SYCP2: variants seen among roughly 807,000 people sequenced by gnomAD.
SYCP2 encodes the protein synaptonemal complex protein 2, also known as synaptonemal complex lateral element protein.
SYCP2 carries 55 observed loss-of-function variants against 211.3 expected under a neutral mutation model. That is an observed-to-expected ratio of 0.26 (90% CI 0.21 to 0.33). The LOEUF is 0.33. Among genes scored for constraint, SYCP2 ranks in the 10% least tolerant of loss-of-function variants. SYCP2 has a pLI of 1.00. For synonymous variants in SYCP2, 570 were observed against 555.2 expected (o/e 1.03, Z -0.37); for missense variants, 1,731 against 1,752.0 (o/e 0.99, Z 0.21).
At chr20:59,920,589 C>T in intron 4 of SYCP2, 102 bp from the exon 5 acceptor site, 2 of 962,358 alleles carry the variant, frequency 2.1e-6, no homozygotes, top group Non-Finnish European at 3.1e-6. Context: ...TTCACAAATC[C>T]TGAAAGATGG....
At chr20:59,897,674 A>C (rs2060035477) in intron 18 of SYCP2, among the ~76,000 whole-genome samples, 1 of 152,196 alleles carries the variant, frequency 6.6e-6, no homozygotes, top group African/African-American at 2.4e-5. Flanking sequence ...AAAGACTAAA[A>C]AACAAAATAG....
At chr20:59,891,554 T>C (rs6100645) in intron 24 of SYCP2, among the ~76,000 whole-genome samples, 2,311 of 151,996 alleles carry the variant, frequency 0.015, 57 homozygotes, top group African/African-American at 0.052. Flanking sequence ...CAAAAAATGT[T>C]TGAGATGCTA....
At chr20:59,884,431 C>T (rs1304121467) in intron 26 of SYCP2, among the ~76,000 whole-genome samples, 3 of 151,828 alleles carry the variant, frequency 2.0e-5, no homozygotes, top group Non-Finnish European at 4.4e-5. Flanking sequence ...TTGTAATATA[C>T]TGTATTAAAG....
At chr20:59,872,740 G>A (rs924103653) in intron 35 of SYCP2, among the ~76,000 whole-genome samples, 3 of 151,892 alleles carry the variant, frequency 2.0e-5, no homozygotes, top group Non-Finnish European at 2.9e-5. Context: ...ACTACTAATT[G>A]TTCTACACAT....
chr20:59,925,675 C>T (rs954209944), intron 2 of SYCP2, among the ~76,000 whole-genome samples: 5 of 152,118 alleles, frequency 3.3e-5, no homozygotes, highest in Middle Eastern at 3.4e-3. Context: ...CACTTGTTAA[C>T]GTATTGCCCT....
chr20:59,899,972 C>T (rs2060083830), intron 18 of SYCP2, 166 bp downstream of exon 18: 3 of 725,898 alleles, frequency 4.1e-6, no homozygotes, highest in African/African-American at 1.8e-5. Flanking sequence ...TGCTAAGACA[C>T]ACACTATCTT....
intron 44 of SYCP2, among the ~76,000 whole-genome samples, chr20:59,865,025 C>T (rs556801063): frequency 6.6e-6 from 1 of 152,098 alleles, no homozygotes; most frequent in Non-Finnish European, 1.5e-5. Flanking sequence ...GTAATTCTTC[C>T]ACTAAACTAC....
In SYCP2 at chr20:59,920,381, A is replaced by G; in HGVS notation, c.275T>C (p.Ile92Thr). 5 of 1,608,486 alleles carry G rather than the reference A, an allele frequency of 3.1e-6. No homozygotes were observed. The highest frequency in any genetic ancestry group is 1.3e-5 in the African/African-American group (1 of 74,822). The change falls in exon 5 of 45, where the codon ATA becomes ACA. Residue 92 changes from isoleucine to threonine, a missense_variant. Physicochemically the swap from Ile to Thr is moderately conservative, Grantham distance 89 (BLOSUM62 -1). Coordinates refer to ENST00000357552, the MANE Select transcript of SYCP2 (RefSeq NM_014258.4). ...TATCTTTTGTATTAGTCCTTGTTTT[A>G]TCATCGTTAGAAGTCCAGCTTGCCC... Reference protein sequence around the residue: ...VLGQAGLLTMIKQGLIQKMVA... With the variant: ...VLGQAGLLTMTKQGLIQKMVA...
chr20:59,874,591 G>A (rs1480899771), intron 34 of SYCP2, among the ~76,000 whole-genome samples: 3 of 152,026 alleles, frequency 2.0e-5, no homozygotes, highest in Non-Finnish European at 4.4e-5. Context: ...GTGGTCCTTA[G>A]TACTGAGAAC....
At chr20:59,867,555 T>C (rs1303406197) in intron 39 of SYCP2, among the ~76,000 whole-genome samples, 156 bp downstream of exon 39, 1 of 151,366 alleles carries the variant, frequency 6.6e-6, no homozygotes, top group Admixed American at 6.6e-5. Flanking sequence ...ATACGGGTAA[T>C]ATACAGATTT....
chr20:59,899,832 T>C (rs1239303147), intron 18 of SYCP2, among the ~76,000 whole-genome samples: 1 of 152,162 alleles, frequency 6.6e-6, no homozygotes, highest in Admixed American at 6.5e-5. Flanking sequence ...ACATTTCTAT[T>C]CTACATTATA....
intron 2 of SYCP2, among the ~76,000 whole-genome samples, chr20:59,923,584 T>C (rs2060579951): frequency 6.6e-6 from 1 of 151,812 alleles, no homozygotes; most frequent in African/African-American, 2.4e-5. Flanking sequence ...GTGCCTGTAA[T>C]CCCAGCTACT....
chr20:59,898,939 A>G (rs189351331), intron 18 of SYCP2, among the ~76,000 whole-genome samples: 81 of 152,314 alleles, frequency 5.3e-4, no homozygotes, highest in African/African-American at 1.9e-3. Context: ...TTAATAGAAA[A>G]GGTAAAATTA....
Position 59,866,571 on chromosome 20 carries a change from T to G in SYCP2, c.4144A>C (p.Ser1382Arg), listed in dbSNP as rs779270608. 1.3e-6 allele frequency: 2 copies of G among 1,597,802 alleles called. No individual in the cohort carries two copies. Among genetic ancestry groups the G allele is most frequent in the Non-Finnish European group, 1.7e-6 (2 of 1,174,210 alleles). ...TTCCAAGACTGCGTAGTAAAATAAC[T>G]CAACATTTTATGTCGGATCTGAAAA... ...RRNNIRHKML[S>R]YFTTQSWKTA... Residue 1382 changes from serine to arginine, a missense_variant, in exon 40 of 45, where the codon AGT becomes CGT. Around this residue, in one of 3 missense-constraint regions of SYCP2, gnomAD observed 1,387 missense variants for 1,351.3 expected, o/e 1.03. Transcript: ENST00000357552.
At chr20:59,877,145 C>G (rs1462058071) in intron 33 of SYCP2, among the ~76,000 whole-genome samples, 1 of 152,116 alleles carries the variant, frequency 6.6e-6, no homozygotes, top group Non-Finnish European at 1.5e-5. Context: ...TTCAAAGATA[C>G]TATCATCAAG....
intron 7 of SYCP2, among the ~76,000 whole-genome samples, chr20:59,917,645 T>A (rs2060468118): frequency 1.3e-5 from 2 of 151,980 alleles, no homozygotes; most frequent in South Asian, 4.1e-4. Flanking sequence ...GCAATCTGTT[T>A]AAAACTTTTT....
chr20:59,879,661 C>T (rs2059628245), intron 31 of SYCP2, among the ~76,000 whole-genome samples: 1 of 150,654 alleles, frequency 6.6e-6, no homozygotes, highest in Non-Finnish European at 1.5e-5. Context: ...AAGCAGAAGC[C>T]ACTTTCTAGG....
Position 59,879,852 on chromosome 20 carries a change from T to C in SYCP2, c.2941+451A>G, listed in dbSNP as rs1206744563. ...ATATATATATATATATATATATATA[T>C]ATATATATATACACACACACACACA... On this transcript the variant is annotated intron_variant, in intron 31 of 44. Coordinates refer to ENST00000357552, the MANE Select transcript of SYCP2 (RefSeq NM_014258.4). Among the ~76,000 whole-genome samples the C allele has an allele frequency of 2.3e-3, 236 of 101,016 alleles. 1 individual carries two copies. The highest frequency in any genetic ancestry group is 0.01 in the African/African-American group (227 of 22,158). 66.3% of individuals were successfully genotyped at this position (101,016 alleles called of 152,430 possible).
intron 24 of SYCP2, among the ~76,000 whole-genome samples, chr20:59,889,821 A>G (rs1158649687): frequency 6.6e-6 from 1 of 152,070 alleles, no homozygotes; most frequent in East Asian, 1.9e-4. Context: ...ATAAGTAGAA[A>G]GACAGTATCA....
Sources: allele counts gnomAD v4.1 joint callset (sites outside exome capture counted in the v4.1 genomes callset), GRCh38; gene constraint gnomAD v4.1.1; regional missense constraint gnomAD v4.1.1; transcripts MANE v1.5; gene names NCBI Gene and HGNC (gene_info 2026-07-23, HGNC 2026-07-21).